Variants in ABLIM2 observed in about 807,000 individuals in gnomAD.
ABLIM2 encodes actin-binding LIM protein 2.
In ABLIM2, 53 loss-of-function variants were observed where a neutral mutation model predicts 97.7. The ratio of observed to expected loss-of-function variants is 0.54; its 90% CI spans 0.44 to 0.68. ABLIM2 has a LOEUF of 0.68. ABLIM2 is among the 30% of genes least tolerant of loss of function. The pLI is 0.00. For missense variants in ABLIM2, 835 were observed against 867.2 expected, an observed-to-expected ratio of 0.96 and a Z score of 0.47; for synonymous variants, 361 against 345.8, an observed-to-expected ratio of 1.04 and a Z score of -0.49.
intron 17 of ABLIM2, among the ~76,000 whole-genome samples, chr4:7,990,464 G>T (rs1041369887): frequency 1.3e-5 from 2 of 152,148 alleles, no homozygotes; most frequent in Admixed American, 6.5e-5. Context: ...GAGATTACAG[G>T]TATGAGCAAC....
In ABLIM2 at chr4:8,140,369, C is replaced by T. The variant is rs115863473; in HGVS notation, c.10+18311G>A. Among the ~76,000 whole-genome samples the T allele has an allele frequency of 2.1e-3, 327 of 152,264 alleles. No homozygotes were observed. The highest frequency in any genetic ancestry group is 4.1e-3 in the South Asian group (20 of 4,828). ...GGGAGCCATGCAGTGGGATCCTACACGGCAGCTAAGGAATCAGCCATGGCA... is the reference window on the plus strand; with the variant it reads ...GGGAGCCATGCAGTGGGATCCTACATGGCAGCTAAGGAATCAGCCATGGCA... On this transcript the variant is annotated intron_variant, in intron 1 of 20. Coordinates refer to ENST00000447017, the MANE Select transcript of ABLIM2 (RefSeq NM_001130083.2). This position sits in a 1 kb window ranked among gnomAD's most constrained non-coding sequence, Gnocchi z 5.9.
At chr4:8,080,376 T>G (rs957678533) in intron 5 of ABLIM2, among the ~76,000 whole-genome samples, 2 of 152,142 alleles carry the variant, frequency 1.3e-5, no homozygotes, top group African/African-American at 4.8e-5. Context: ...GGGAAGGCAC[T>G]TCAAAAACTC....
At chr4:8,099,123 T>G (rs1210862375) in intron 2 of ABLIM2, among the ~76,000 whole-genome samples, 1 of 152,216 alleles carries the variant, frequency 6.6e-6, no homozygotes, top group African/African-American at 2.4e-5. Context: ...CTCTGGCTCA[T>G]GAAAATCCAG....
chr4:8,083,740 A>T lies in ABLIM2; in HGVS notation c.455-2938T>A, dbSNP rs1577387666. Among the ~76,000 whole-genome samples the T allele has an allele frequency of 6.6e-6, 1 of 152,192 alleles. No individual in the cohort carries two copies. Among genetic ancestry groups the T allele is most frequent in the Non-Finnish European group, 1.5e-5 (1 of 68,030 alleles). On this transcript the variant is annotated intron_variant, in intron 4 of 20. Coordinates refer to ENST00000447017, the MANE Select transcript of ABLIM2 (RefSeq NM_001130083.2). This position sits in a 1 kb window ranked among gnomAD's most constrained non-coding sequence, Gnocchi z 4.6. ...GTGGACTAGAGCTGTCAGCGGCAGG[A>T]TGTCCCTAGCAGGGCAGAAGGGGCC...
At chr4:8,013,284 G>A (rs576215993) in intron 14 of ABLIM2, among the ~76,000 whole-genome samples, 11 of 143,688 alleles carry the variant, frequency 7.7e-5, no homozygotes, top group East Asian at 6.2e-4. Flanking sequence ...GTGCAATGGC[G>A]CAATCTCGGC....
At position 8,008,058 on chromosome 4, in the gene ABLIM2, C is replaced by A. The variant is rs768644419; in HGVS notation, c.1618+1G>T. On this transcript the variant is annotated splice_donor_variant, in intron 16 of 20. Coordinates refer to ENST00000447017, the MANE Select transcript of ABLIM2 (RefSeq NM_001130083.2). LOFTEE classifies it high-confidence loss of function. ...GCTCCTTCTTCAAAAGAACCACTCA[C>A]GTGAGTGAAAGCTGTCCCCTGCCAT... The A allele has an allele frequency of 6.2e-7, 1 of 1,613,938 alleles. No individual in the cohort carries two copies. Among genetic ancestry groups the A allele is most frequent in the Non-Finnish European group, 8.5e-7 (1 of 1,179,836 alleles).
In ABLIM2 at chr4:8,004,669, A is replaced by C. The variant is rs554349056; in HGVS notation, c.1618+3390T>G. ...CCCTACTGCCGGGGACACGGAGTCC[A>C]CACCACCTTGTGTTCCTCCCCCAAG... is the stretch of plus-strand genomic sequence containing the variant. On this transcript the variant is annotated intron_variant, in intron 16 of 20. Coordinates refer to ENST00000447017, the MANE Select transcript of ABLIM2 (RefSeq NM_001130083.2). This position sits in a 1 kb window ranked among gnomAD's most constrained non-coding sequence, Gnocchi z 5.9. Among the ~76,000 whole-genome samples, 1 of 152,294 alleles carries C rather than the reference A, an allele frequency of 6.6e-6. No homozygotes were observed. The highest frequency in any genetic ancestry group is 6.5e-5 in the Admixed American group (1 of 15,300).
At chr4:8,052,749 G>T (rs946896373) in intron 8 of ABLIM2, among the ~76,000 whole-genome samples, 3 of 152,248 alleles carry the variant, frequency 2.0e-5, no homozygotes, top group African/African-American at 7.2e-5. Flanking sequence ...GCCTGCATCG[G>T]AATGCTGTCC....
chr4:8,065,728 A>G (rs908070256), intron 6 of ABLIM2, among the ~76,000 whole-genome samples: 4 of 151,900 alleles, frequency 2.6e-5, no homozygotes, highest in African/African-American at 7.3e-5. Flanking sequence ...GTTTGAGACC[A>G]GCTTGACCAA....
intron 12 of ABLIM2, 41 bp from the exon 13 acceptor site, chr4:8,020,344 CG>C (rs774984977): frequency 1.3e-6 from 2 of 1,537,402 alleles, no homozygotes; most frequent in East Asian, 4.5e-5. Context: ...GAAGGGGAAA[CG>C]GGAAAGCAAA....
intron 2 of ABLIM2, 144 bp from the exon 3 acceptor site, chr4:8,097,426 C>G: frequency 9.6e-7 from 1 of 1,039,162 alleles, no homozygotes; most frequent in Non-Finnish European, 1.4e-6. Context: ...GTGGCTTGCT[C>G]AACTCTCGGC....
chr4:8,155,565 C>T lies in ABLIM2; in HGVS notation c.10+3115G>A, dbSNP rs1023817934. Among the ~76,000 whole-genome samples, 2 of 152,202 alleles carry T rather than the reference C, an allele frequency of 1.3e-5. No homozygotes were observed. Among genetic ancestry groups the T allele is most frequent in the African/African-American group, 4.8e-5 (2 of 41,446 alleles). On this transcript the variant is annotated intron_variant, in intron 1 of 20. Transcript: ENST00000447017. The surrounding 1 kb of genome is among the most constrained non-coding windows in gnomAD (Gnocchi z 4.2). ...CCACAAGGCCGCCCTTGGCCCCGCA[C>T]CCCTGTTATGGACTGAATTGTCTAA...
rs1798125043 is a variant in ABLIM2, at chr4:8,054,942, C to A, written c.764-696G>T. ...CTGCCCAGTCACCCATGTCAACAGC[C>A]ACTACCATCAACATAACAAGGCCAC... On this transcript the variant is annotated intron_variant, in intron 7 of 20. Transcript: ENST00000447017. This position sits in a 1 kb window ranked among gnomAD's most constrained non-coding sequence, Gnocchi z 4.9. Among the ~76,000 whole-genome samples the A allele has an allele frequency of 6.6e-6, 1 of 152,086 alleles. No individual in the cohort carries two copies. Among genetic ancestry groups the A allele is most frequent in the Admixed American group, 6.5e-5 (1 of 15,282 alleles).
At chr4:8,137,628 C>T (rs781163266) in intron 1 of ABLIM2, among the ~76,000 whole-genome samples, 4 of 152,264 alleles carry the variant, frequency 2.6e-5, no homozygotes, top group East Asian at 1.9e-4. Flanking sequence ...GCAGCCACGT[C>T]GCAGCCCCTC....
At position 8,091,597 on chromosome 4, in the gene ABLIM2, AT is replaced by A. The variant is rs1472936971; in HGVS notation, c.339-3314del. On this transcript the variant is annotated intron_variant, in intron 3 of 20. Transcript: ENST00000447017. ...AATTTTATATAAAATTATATATATA[AT>A]TATATATATTATGTATAATTTTATA... Among the ~76,000 whole-genome samples the A allele has an allele frequency of 7.2e-4, 23 of 31,852 alleles. 3 individuals are homozygous for A. In the South Asian group the frequency reaches 0.012, roughly 17 times the overall value. The allele number at this position is 31,852 out of a possible 152,430, so 20.9% of individuals were successfully genotyped here.
intron 1 of ABLIM2, among the ~76,000 whole-genome samples, chr4:8,115,962 G>A (rs768639142): frequency 5.3e-5 from 8 of 152,186 alleles, no homozygotes; most frequent in Non-Finnish European, 8.8e-5. Flanking sequence ...CCCACATGCC[G>A]CTATTCTGGC....
rs10001930 is a variant in ABLIM2, at chr4:8,044,668, A to T, written c.900+496T>A. ...CACACACACACACACACACACACAGAGTCTCTCTCTCTCTCTCTCTCTCGA... is the reference window on the plus strand; with the variant it reads ...CACACACACACACACACACACACAGTGTCTCTCTCTCTCTCTCTCTCTCGA... On this transcript the variant is annotated intron_variant, in intron 9 of 20. Coordinates refer to ENST00000447017, the MANE Select transcript of ABLIM2 (RefSeq NM_001130083.2). The surrounding 1 kb of genome is among the most constrained non-coding windows in gnomAD (Gnocchi z 4.4). 0.12 allele frequency among the ~76,000 whole-genome samples: 6,019 copies of T among 48,714 alleles called. 186 individuals are homozygous for T. Among genetic ancestry groups the T allele is most frequent in the Admixed American group, 0.24 (1,172 of 4,848 alleles). The allele number at this position is 48,714 out of a possible 152,430, so 32.0% of individuals were successfully genotyped here.
chr4:8,015,823 A>G lies in ABLIM2; in HGVS notation c.1423+3795T>C, dbSNP rs1011058915. Among the ~76,000 whole-genome samples the G allele has an allele frequency of 6.6e-6, 1 of 152,072 alleles. No homozygotes were observed. The highest frequency in any genetic ancestry group is 2.4e-5 in the African/African-American group (1 of 41,402). On this transcript the variant is annotated intron_variant, in intron 14 of 20. Transcript: ENST00000447017. This position sits in a 1 kb window ranked among gnomAD's most constrained non-coding sequence, Gnocchi z 4.6. ...ATCTGGAGAGTCGAACTTACTGGGA[A>G]ATGTTGGGGAGCCATCATTTTTCCC...
chr4:8,072,112 A>G lies in ABLIM2; in HGVS notation c.675+5516T>C, dbSNP rs1812633191. 5.2e-6 allele frequency: 5 copies of G among 970,806 alleles called. No individual in the cohort carries two copies. The highest frequency in any genetic ancestry group is 6.1e-6 in the Non-Finnish European group (5 of 816,702). The allele number at this position is 970,806 out of a possible 1,614,324, so 60.1% of individuals were successfully genotyped here. The stretch of plus-strand genomic sequence containing the variant: ...TCGCCTCCCCGGCAGAGGCGAAAAC[A>G]AAAGCATTAATCTTCCCCAGGAGGC... On this transcript the variant is annotated intron_variant, in intron 6 of 20. Transcript: ENST00000447017. The surrounding 1 kb of genome is among the most constrained non-coding windows in gnomAD (Gnocchi z 5.8).
Sources: gnomAD v4.1 joint callset for allele counts (sites outside exome capture counted in the v4.1 genomes callset) on GRCh38, gnomAD v4.1.1 for gene constraint, Gnocchi (gnomAD v3.1) non-coding constraint, MANE v1.5 for transcripts, NCBI Gene and HGNC (gene_info 2026-07-23, HGNC 2026-07-21) for gene names.